The following RALGAPA1 variants were observed in gnomAD, a reference collection of about 807,000 sequenced individuals.
The protein encoded by RALGAPA1 is Ral GTPase activating protein catalytic subunit alpha 1.
Under a neutral mutation model 269.6 loss-of-function variants are expected in RALGAPA1, and 52 were observed. The ratio of observed to expected loss-of-function variants is 0.19; its 90% CI spans 0.15 to 0.24. The LOEUF is 0.24. Among genes scored for constraint, RALGAPA1 ranks in the 10% least tolerant of loss-of-function variants. The probability of loss-of-function intolerance (pLI) is 1.00; values close to 1 mark genes in which losing one functional copy is unlikely to be tolerated. For missense variants in RALGAPA1, 1,917 were observed against 3,013.9 expected (o/e 0.64, Z 8.52); for synonymous variants, 817 against 1,008.3 (o/e 0.81, Z 3.60).
chr14:35,802,786 A>G (rs1344005480), intron 1 of RALGAPA1, among the ~76,000 whole-genome samples: 1 of 151,230 alleles, frequency 6.6e-6, no homozygotes, highest in Non-Finnish European at 1.5e-5. Flanking sequence ...GGCCCAGGTG[A>G]TCCTCTCACC....
chr14:35,743,334 TATAGGA>T (rs1385473387), intron 10 of RALGAPA1, among the ~76,000 whole-genome samples: 1 of 152,162 alleles, frequency 6.6e-6, no homozygotes, highest in Non-Finnish European at 1.5e-5. Context: ...TGCACACTGA[TATAGGA>T]ATGTTTGTGG....
At chr14:35,805,840 A>G (rs959952853) in intron 1 of RALGAPA1, among the ~76,000 whole-genome samples, 1 of 151,854 alleles carries the variant, frequency 6.6e-6, no homozygotes, top group African/African-American at 2.4e-5. Flanking sequence ...GCACGCCACC[A>G]TGCCTGGCTA....
intron 1 of RALGAPA1, among the ~76,000 whole-genome samples, chr14:35,779,257 G>A (rs2075271356): frequency 6.6e-6 from 1 of 152,128 alleles, no homozygotes; most frequent in Non-Finnish European, 1.5e-5. Context: ...TGGGCAAGGT[G>A]GTTGACATCT....
At chr14:35,576,350 G>C (rs1228712937) in intron 37 of RALGAPA1, among the ~76,000 whole-genome samples, 1 of 152,162 alleles carries the variant, frequency 6.6e-6, no homozygotes, top group East Asian at 1.9e-4. Context: ...TTTTAAGCAG[G>C]TACAATTGAC....
rs549351606 is a variant in RALGAPA1, at chr14:35,662,587, C to T, written c.5328+2055G>A. 2.6e-5 allele frequency among the ~76,000 whole-genome samples: 4 copies of T among 152,182 alleles called. 1 individual carries two copies. Among genetic ancestry groups the T allele is most frequent in the African/African-American group, 4.8e-5 (2 of 41,532 alleles). Reference sequence around the variant, plus strand: ...TTGTTGTTGTTTTTAATCACTTCTGCCATTACTGCCTACACAAGGGCCAAC... The same window carrying T: ...TTGTTGTTGTTTTTAATCACTTCTGTCATTACTGCCTACACAAGGGCCAAC... On this transcript the variant is annotated intron_variant, in intron 27 of 41. Coordinates refer to ENST00000680220, the MANE Select transcript of RALGAPA1 (RefSeq NM_001346249.2).
chr14:35,624,390 T>C (rs1170630086), intron 35 of RALGAPA1, among the ~76,000 whole-genome samples: 1 of 152,004 alleles, frequency 6.6e-6, no homozygotes, highest in Non-Finnish European at 1.5e-5. Flanking sequence ...AATTTGGTAG[T>C]AAAAGGAATG....
intron 36 of RALGAPA1, among the ~76,000 whole-genome samples, chr14:35,601,220 C>T (rs1463985225): frequency 6.6e-6 from 1 of 152,190 alleles, no homozygotes; most frequent in Non-Finnish European, 1.5e-5. Context: ...CTCCAGTGGA[C>T]AGCAGGTGCC....
intron 4 of RALGAPA1, among the ~76,000 whole-genome samples, chr14:35,768,935 G>A (rs1166431694): frequency 6.8e-6 from 1 of 146,640 alleles, no homozygotes; most frequent in African/African-American, 2.5e-5. Flanking sequence ...TTGAATCTGG[G>A]AGGCGGAGGT....
Position 35,655,877 on chromosome 14 carries a change from T to C in RALGAPA1, c.5426A>G (p.Glu1809Gly), listed in dbSNP as rs770523191. The change falls in exon 29 of 42, where the codon GAA (glutamate) becomes GGA (glycine). Residue 1809 changes from glutamate to glycine, a missense_variant. By Grantham distance (98) the Glu-to-Gly change is moderately conservative (BLOSUM62 -2). Coordinates refer to ENST00000680220, the MANE Select transcript of RALGAPA1 (RefSeq NM_001346249.2). ...ATGATGAGACTCATGGACTAGTTCTTCACAAATCCAAATACCTAAACTACA... is the reference window on the plus strand; with the variant it reads ...ATGATGAGACTCATGGACTAGTTCTCCACAAATCCAAATACCTAAACTACA... ...ALCSLGIWIC[E>G]ELVHESHHPQ... The C allele has an allele frequency of 4.3e-6, 7 of 1,613,476 alleles. No homozygotes were observed. The highest frequency in any genetic ancestry group is 5.9e-6 in the Non-Finnish European group (7 of 1,179,660).
At chr14:35,625,104 T>A (rs2060907084) in intron 35 of RALGAPA1, among the ~76,000 whole-genome samples, 1 of 128,466 alleles carries the variant, frequency 7.8e-6, no homozygotes, top group South Asian at 2.4e-4. Flanking sequence ...TGAGCGGAGA[T>A]CATGCCACTG....
chr14:35,769,657 C>T (rs966096440), intron 4 of RALGAPA1, among the ~76,000 whole-genome samples: 4 of 152,002 alleles, frequency 2.6e-5, no homozygotes, highest in African/African-American at 9.7e-5. Flanking sequence ...GGGGACATCA[C>T]TATTGACCCT....
chr14:35,672,740 T>G, intron 25 of RALGAPA1, 127 bp downstream of exon 25: 1 of 875,518 alleles, frequency 1.1e-6, no homozygotes, highest in Non-Finnish European at 1.6e-6. Context: ...GTAAATTGTA[T>G]ATAAATCACT....
rs546224776 is a variant in RALGAPA1, at chr14:35,679,888, C to T, written c.4472-1786G>A. On this transcript the variant is annotated intron_variant, in intron 21 of 41. Transcript: ENST00000680220. ...ATATCAAATGAGTAATCATATGACC[C>T]TATCTAGGCTCAATTATGTTACATA... is the stretch of plus-strand genomic sequence containing the variant. Among the ~76,000 whole-genome samples the T allele has an allele frequency of 3.7e-4, 56 of 152,160 alleles. 2 individuals carry two copies. In the South Asian group the frequency reaches 0.011, roughly 31 times the overall value.
intron 34 of RALGAPA1, 42 bp from the exon 35 acceptor site, chr14:35,625,474 T>A: frequency 1.4e-6 from 2 of 1,417,604 alleles, no homozygotes; most frequent in Non-Finnish European, 2.0e-6. Context: ...ACCTTTGCAG[T>A]GAATGACAAG....
intron 2 of RALGAPA1, 133 bp downstream of exon 2, chr14:35,775,502 A>T: frequency 9.6e-7 from 1 of 1,046,418 alleles, no homozygotes; most frequent in Non-Finnish European, 1.3e-6. Context: ...GACCTATGAT[A>T]GTAGTGTGAG....
chr14:35,771,726 C>T (rs1302717463), intron 3 of RALGAPA1, among the ~76,000 whole-genome samples: 2 of 151,864 alleles, frequency 1.3e-5, no homozygotes, highest in African/African-American at 4.8e-5. Flanking sequence ...ACTGGCTATT[C>T]AGAAGCATGA....
Position 35,703,980 on chromosome 14 carries a change from C to T in RALGAPA1, c.2267-3678G>A, listed in dbSNP as rs550440794. 5.3e-5 allele frequency among the ~76,000 whole-genome samples: 8 copies of T among 152,100 alleles called. No homozygotes were observed. In the East Asian group the frequency reaches 1.2e-3, roughly 22 times the overall value. ...TTCATGGACCGCAAATGTGATGGACCCTTAACAGCATATAAATACAAAAAA... is the reference window on the plus strand; with the variant it reads ...TTCATGGACCGCAAATGTGATGGACTCTTAACAGCATATAAATACAAAAAA... On this transcript the variant is annotated intron_variant, in intron 16 of 41. Transcript: ENST00000680220.
At chr14:35,624,156 C>CAAAAAAAAAAAAAAAAAAAAAA (rs377171729) in intron 35 of RALGAPA1, among the ~76,000 whole-genome samples, 1 of 21,836 alleles carries the variant, frequency 4.6e-5, no homozygotes, top group Non-Finnish European at 1.1e-4. Context: ...TAATACAACG[C>CAAAAAAAAAAAAAAAAAAAAAA]AAAAAAAAAA....
intron 13 of RALGAPA1, among the ~76,000 whole-genome samples, chr14:35,725,868 T>C (rs1281420461): frequency 6.6e-6 from 1 of 152,192 alleles, no homozygotes; most frequent in Non-Finnish European, 1.5e-5. Context: ...CTTTTCATTA[T>C]GCAGTTTTTT....
Sources: gnomAD v4.1 joint callset for allele counts (sites outside exome capture counted in the v4.1 genomes callset) on GRCh38, gnomAD v4.1.1 for gene constraint, MANE v1.5 for transcripts, NCBI Gene and HGNC (gene_info 2026-07-23, HGNC 2026-07-21) for gene names.